Variants in FGD1 observed in about 807,000 individuals in gnomAD.
FGD1 encodes FYVE, RhoGEF and PH domain containing 1, also known as FYVE, RhoGEF and PH domain-containing protein 1.
Under a neutral mutation model 65.0 loss-of-function variants are expected in FGD1, and 12 were observed. That is an observed-to-expected ratio of 0.18 (90% CI 0.12 to 0.30). FGD1 has a LOEUF of 0.30. Among genes scored for constraint, FGD1 ranks in the 10% least tolerant of loss-of-function variants. FGD1 has a pLI of 1.00. For synonymous variants in FGD1, 333 were observed against 343.9 expected, an observed-to-expected ratio of 0.97 and a Z score of 0.35; for missense variants, 542 against 837.6, an observed-to-expected ratio of 0.65 and a Z score of 4.36.
In FGD1 at chrX:54,495,295, C is replaced by T; in HGVS notation, c.138G>A (p.Arg46=). ...GGCCGCCAAGAGCCGAACCTGAGCC[C>T]CTGCGCGCCAGCAGTCCGGGTTCCG... ...GASEPGLLAR[R]GSGSALGGPL... Residue 46 remains arginine (R), a synonymous_variant, in exon 1 of 18, where the codon AGG becomes AGA. Coordinates refer to ENST00000375135, the MANE Select transcript of FGD1 (RefSeq NM_004463.3). 1.7e-6 allele frequency: 2 copies of T among 1,183,833 alleles called. No individual in the cohort carries two copies. The highest frequency in any genetic ancestry group is 1.1e-6 in the Non-Finnish European group (1 of 882,894).
Position 54,495,697 on chromosome X carries a change from CGCGGGGAGTGGGCTCG to C in FGD1, c.-281_-266del, listed in dbSNP as rs1299039327. The C allele has an allele frequency of 7.9e-6, 1 of 126,623 alleles. No homozygotes were observed. The highest frequency in any genetic ancestry group is 1.6e-5 in the Non-Finnish European group (1 of 63,076). The allele number at this position is 126,623 out of a possible 1,213,427, so 10.4% of individuals were successfully genotyped here. On this transcript the variant is annotated 5_prime_UTR_variant, in exon 1 of 18. Transcript: ENST00000375135. ...ATCGCCGGCCCCGGCCCCGGCCCCGCGCGGGGAGTGGGCTCGGCGGGGCCGGGGGCCCGCTGGGGAG... is the reference window on the plus strand; with the variant it reads ...ATCGCCGGCCCCGGCCCCGGCCCCGCGCGGGGCCGGGGGCCCGCTGGGGAG...
At position 54,495,874 on chromosome X, in the gene FGD1, C is replaced by T. The variant is rs1923530530; in HGVS notation, c.-442G>A. ...TCCAAGTGCGGGGTCTCTTCTTTCT[C>T]CCCGAATGGGAATAGATCTGGGCTC... On this transcript the variant is annotated 5_prime_UTR_variant, in exon 1 of 18. Coordinates refer to ENST00000375135, the MANE Select transcript of FGD1 (RefSeq NM_004463.3). 8.9e-6 allele frequency: 1 copy of T among 111,966 alleles called. No individual in the cohort carries two copies. The highest frequency in any genetic ancestry group is 9.3e-5 in the Admixed American group (1 of 10,775). The allele number at this position is 111,966 out of a possible 1,213,427, so 9.2% of individuals were successfully genotyped here. A position where few individuals can be genotyped will look rare whatever the true frequency, so the allele number is the denominator to read the frequency against.
At chrX:54,448,746 T>A (rs772753650) in intron 16 of FGD1, 60 bp downstream of exon 16, 338 of 1,149,897 alleles carry the variant, frequency 2.9e-4, no homozygotes, top group Non-Finnish European at 3.7e-4. Context: ...TCAGTCTCAC[T>A]GGGTAGAGTT....
intron 1 of FGD1, among the ~76,000 whole-genome samples, 191 bp from the exon 2 acceptor site, chrX:54,471,678 G>A (rs192354820): frequency 2.3e-3 from 259 of 111,310 alleles, no homozygotes; most frequent in African/African-American, 7.9e-3. Flanking sequence ...CCCAGGGCTG[G>A]GGCTGGCTGT....
At chrX:54,473,041 T>C (rs1373301298) in intron 1 of FGD1, among the ~76,000 whole-genome samples, 1 of 111,637 alleles carries the variant, frequency 9.0e-6, no homozygotes, top group African/African-American at 3.3e-5. Flanking sequence ...ATCGCCCTCC[T>C]GAAAGCCTAG....
chrX:54,476,272 C>T (rs1923015775), intron 1 of FGD1, among the ~76,000 whole-genome samples: 1 of 109,928 alleles, frequency 9.1e-6, no homozygotes, highest in African/African-American at 3.3e-5. Flanking sequence ...GGTAGGCCCC[C>T]CTCCTCCTTC....
In FGD1 at chrX:54,456,337, A is replaced by G. The variant is rs749062011; in HGVS notation, c.1725T>C (p.Tyr575=). 4.1e-6 allele frequency: 5 copies of G among 1,209,794 alleles called. No homozygotes were observed. The South Asian group carries it at 8.8e-5, about 21-fold the overall frequency. The part of the protein sequence containing the change: ...MERMHKLLKV[Y]ELLGGEEDIV... The stretch of plus-strand genomic sequence containing the variant: ...TGTCCTCCTCGCCCCCTAACAGCTC[A>G]TATACCTTCAGCAGCTTATGCATTC... Residue 575 remains tyrosine (Y), a synonymous_variant, in exon 10 of 18, where the codon TAT becomes TAC. Coordinates refer to ENST00000375135, the MANE Select transcript of FGD1 (RefSeq NM_004463.3).
chrX:54,495,498 G>A lies in FGD1; in HGVS notation c.-66C>T. Reference sequence around the variant, plus strand: ...TCCAGCTCCTGGGGCGGAGGCGCGGGCGGAGGAGGCCCGGCGCCCGGCGGA... The same window carrying A: ...TCCAGCTCCTGGGGCGGAGGCGCGGACGGAGGAGGCCCGGCGCCCGGCGGA... On this transcript the variant is annotated 5_prime_UTR_variant, in exon 1 of 18. Transcript: ENST00000375135. The A allele has an allele frequency of 1.3e-6, 1 of 790,443 alleles. No individual in the cohort carries two copies. Among genetic ancestry groups the A allele is most frequent in the Non-Finnish European group, 1.6e-6 (1 of 626,309 alleles). 65.1% of individuals were successfully genotyped at this position (790,443 alleles called of 1,213,427 possible).
At chrX:54,470,839 T>C (rs1601955536) in intron 2 of FGD1, 79 bp from the exon 3 acceptor site, 2 of 507,926 alleles carry the variant, frequency 3.9e-6, no homozygotes, top group East Asian at 7.3e-5. Context: ...TGAAACCCCA[T>C]CTCTACTAAA....
intron 1 of FGD1, among the ~76,000 whole-genome samples, chrX:54,487,471 C>A (rs1376059545): frequency 8.9e-6 from 1 of 112,475 alleles, no homozygotes; most frequent in Non-Finnish European, 1.9e-5. Context: ...AATGGGAAAA[C>A]ATTCCATGCT....
intron 1 of FGD1, among the ~76,000 whole-genome samples, chrX:54,485,726 C>T (rs1923255716): frequency 9.0e-6 from 1 of 111,251 alleles, no homozygotes; most frequent in Non-Finnish European, 1.9e-5. Flanking sequence ...CCCTATCAGC[C>T]TCCGAAAGTG....
At chrX:54,476,563 G>C (rs976526456) in intron 1 of FGD1, among the ~76,000 whole-genome samples, 1 of 109,203 alleles carries the variant, frequency 9.2e-6, no homozygotes, top group African/African-American at 3.3e-5. Context: ...TGTTGCCCAG[G>C]CTGGTGTCAA....
chrX:54,447,362 G>A lies in FGD1; in HGVS notation c.2529C>T (p.Phe843=), dbSNP rs760188559. Residue 843 remains phenylalanine (F), a synonymous_variant, in exon 17 of 18, where the codon TTC becomes TTT. Coordinates refer to ENST00000375135, the MANE Select transcript of FGD1 (RefSeq NM_004463.3). ...CCAAGGGTTCATTTTCAGGGACCAC[G>A]AACCATGCCTTGTGCCATCCTTTGC... ...KGGKGWHKAW[F]VVPENEPLVL... The A allele has an allele frequency of 1.1e-5, 13 of 1,210,362 alleles. No individual in the cohort carries two copies. Among genetic ancestry groups the A allele is most frequent in the South Asian group, 3.5e-5 (2 of 56,822 alleles).
rs369346745 is a variant in FGD1, at chrX:54,447,469, A to G, written c.2437-15T>C. On this transcript the variant is annotated splice_polypyrimidine_tract_variant and intron_variant, in intron 16 of 17. Coordinates refer to ENST00000375135, the MANE Select transcript of FGD1 (RefSeq NM_004463.3). Reference sequence around the variant, plus strand: ...GAGGCCTGTTTCTGTGGCCAGAGACACCGGGCATCAATGTTGACAGAAGGC... The same window carrying G: ...GAGGCCTGTTTCTGTGGCCAGAGACGCCGGGCATCAATGTTGACAGAAGGC... The G allele has an allele frequency of 8.3e-7, 1 of 1,206,472 alleles. No individual in the cohort carries two copies. The highest frequency in any genetic ancestry group is 1.1e-6 in the Non-Finnish European group (1 of 892,523).
intron 1 of FGD1, among the ~76,000 whole-genome samples, chrX:54,488,356 C>A (rs934651383): frequency 1.0e-5 from 1 of 97,988 alleles, no homozygotes; most frequent in African/African-American, 3.9e-5. Context: ...GAGGCCGAGG[C>A]GGGTGGATCA....
At chrX:54,493,229 T>C (rs1263454672) in intron 1 of FGD1, among the ~76,000 whole-genome samples, 1 of 111,690 alleles carries the variant, frequency 9.0e-6, no homozygotes, top group East Asian at 2.8e-4. Context: ...GCCTACTATG[T>C]GCTTCTTTAG....
At chrX:54,479,412 G>A (rs774350595) in intron 1 of FGD1, among the ~76,000 whole-genome samples, 2 of 111,931 alleles carry the variant, frequency 1.8e-5, no homozygotes, top group Non-Finnish European at 3.8e-5. Flanking sequence ...TGGTGTCCTG[G>A]GGCAAGTGGC....
intron 16 of FGD1, among the ~76,000 whole-genome samples, chrX:54,448,001 T>C (rs1312390550): frequency 9.0e-6 from 1 of 111,534 alleles, no homozygotes. Context: ...TTTTAAGTGT[T>C]AAATAAATAC....
intron 5 of FGD1, among the ~76,000 whole-genome samples, chrX:54,468,390 T>C (rs780843368): frequency 2.7e-5 from 3 of 111,751 alleles, no homozygotes; most frequent in Non-Finnish European, 5.6e-5. Context: ...GGCACTGTCA[T>C]AGAGGGTAAG....
Sources: gnomAD v4.1 joint callset for allele counts (sites outside exome capture counted in the v4.1 genomes callset) on GRCh38, gnomAD v4.1.1 for gene constraint, MANE v1.5 for transcripts, NCBI Gene and HGNC (gene_info 2026-07-23, HGNC 2026-07-21) for gene names.